The following ZNF407 variants were observed in gnomAD, a reference collection of about 807,000 sequenced individuals.
The protein encoded by ZNF407 is zinc finger protein 407.
A neutral mutation model predicts 131.2 loss-of-function variants in ZNF407; 17 were observed. The observed-to-expected ratio is 0.13, with a 90% confidence interval of 0.09 to 0.19. ZNF407 has a LOEUF of 0.19. Ranked by LOEUF, ZNF407 falls within the 10% of genes least tolerant of loss-of-function variation. The pLI is 1.00. For synonymous variants in ZNF407, 1,156 were observed against 1,062.0 expected, an observed-to-expected ratio of 1.09 and a Z score of -1.72; for missense variants, 2,681 against 2,830.6, an observed-to-expected ratio of 0.95 and a Z score of 1.20.
chr18:74,928,962 C>G (rs753151422), intron 8 of ZNF407, among the ~76,000 whole-genome samples: 15 of 152,050 alleles, frequency 9.9e-5, no homozygotes, highest in Non-Finnish European at 2.2e-4. Context: ...AGTATCCTTT[C>G]TACTGTATAG....
At chr18:74,887,383 TAAAGAC>T (rs1308552140) in intron 6 of ZNF407, among the ~76,000 whole-genome samples, 9 of 152,128 alleles carry the variant, frequency 5.9e-5, no homozygotes, top group Non-Finnish European at 1.2e-4. Flanking sequence ...GGATTTATCT[TAAAGAC>T]AAAAGGCTAA....
rs558346618 is a variant in ZNF407, at chr18:74,650,723, C to T, written c.4802+9601C>T. Among the ~76,000 whole-genome samples, 23 of 152,064 alleles carry T rather than the reference C, an allele frequency of 1.5e-4. No individual in the cohort carries two copies. The East Asian group carries it at 4.1e-3, about 27-fold the overall frequency. ...AAGTATTCATGGAAGGGGTGGGCCACGGGAATATTGTTTGTTACCCCAAAG... is the reference window on the plus strand; with the variant it reads ...AAGTATTCATGGAAGGGGTGGGCCATGGGAATATTGTTTGTTACCCCAAAG... On this transcript the variant is annotated intron_variant, in intron 3 of 8. Transcript: ENST00000299687.
intron 7 of ZNF407, among the ~76,000 whole-genome samples, chr18:74,904,973 C>T (rs1437241305): frequency 1.3e-5 from 2 of 152,194 alleles, no homozygotes; most frequent in South Asian, 2.1e-4. Context: ...GAAGGGCAGA[C>T]GCAGCAGTCC....
At chr18:74,711,936 C>G (rs2144848260) in intron 3 of ZNF407, among the ~76,000 whole-genome samples, 1 of 152,266 alleles carries the variant, frequency 6.6e-6, no homozygotes, top group East Asian at 1.9e-4. Flanking sequence ...TCTTGAACTC[C>G]CAAACTCAAG....
At chr18:74,761,179 T>C (rs1969086796) in intron 3 of ZNF407, among the ~76,000 whole-genome samples, 2 of 148,556 alleles carry the variant, frequency 1.3e-5, no homozygotes, top group East Asian at 1.9e-4. Flanking sequence ...TATTGATCTT[T>C]TGGATTTTTG....
chr18:74,688,972 G>A (rs1032931536), intron 3 of ZNF407, among the ~76,000 whole-genome samples: 1 of 152,080 alleles, frequency 6.6e-6, no homozygotes, highest in Non-Finnish European at 1.5e-5. Context: ...GGAATTACAG[G>A]CACCCGCCAC....
intron 8 of ZNF407, among the ~76,000 whole-genome samples, chr18:75,043,385 C>A (rs1483930246): frequency 1.3e-5 from 2 of 152,198 alleles, no homozygotes. Context: ...AGGTCATGTG[C>A]ATGCCCAGCT....
chr18:74,902,049 G>T (rs1971532859), intron 7 of ZNF407, among the ~76,000 whole-genome samples: 1 of 152,108 alleles, frequency 6.6e-6, no homozygotes, highest in Non-Finnish European at 1.5e-5. Flanking sequence ...AGCCATAGAA[G>T]GAGGAAGCTT....
At chr18:74,871,176 G>A (rs951632936) in intron 4 of ZNF407, among the ~76,000 whole-genome samples, 7 of 152,178 alleles carry the variant, frequency 4.6e-5, no homozygotes, top group Non-Finnish European at 8.8e-5. Context: ...TCGTCCCTGT[G>A]TGCCTTCTGT....
rs138149762 is a variant in ZNF407, at chr18:74,922,756, G to A, written c.5428+2064G>A. ...GTCTCTATGTAAAGACAGGCGTCTC[G>A]GAGCTTCAGATTCCTTATCGAAGAG... On this transcript the variant is annotated intron_variant, in intron 8 of 8. Transcript: ENST00000299687. Among the ~76,000 whole-genome samples the A allele has an allele frequency of 3.9e-5, 6 of 152,232 alleles. No homozygotes were observed. In the East Asian group the frequency reaches 7.7e-4, roughly 20 times the overall value.
At chr18:74,802,752 G>A (rs564959872) in intron 4 of ZNF407, among the ~76,000 whole-genome samples, 100 of 152,206 alleles carry the variant, frequency 6.6e-4, no homozygotes, top group Middle Eastern at 6.8e-3. Context: ...TTTTTATGTC[G>A]CTTAGTTTTA....
At chr18:74,798,146 A>G (rs1420239581) in intron 4 of ZNF407, among the ~76,000 whole-genome samples, 1 of 152,096 alleles carries the variant, frequency 6.6e-6, no homozygotes, top group Non-Finnish European at 1.5e-5. Context: ...CTGGCCAGAG[A>G]CATTGCATGG....
chr18:74,797,625 C>G (rs571646340), intron 4 of ZNF407, among the ~76,000 whole-genome samples: 2 of 152,160 alleles, frequency 1.3e-5, no homozygotes, highest in African/African-American at 2.4e-5. Context: ...GTTTTCTTTT[C>G]AGATTGAGAG....
intron 4 of ZNF407, among the ~76,000 whole-genome samples, chr18:74,786,420 G>A (rs1018243400): frequency 6.6e-6 from 1 of 150,992 alleles, no homozygotes; most frequent in African/African-American, 2.4e-5. Context: ...CTACTTATTA[G>A]TCTTTCCCTT....
At chr18:74,877,109 C>A in intron 4 of ZNF407, 88 bp from the exon 5 acceptor site, 1 of 1,165,954 alleles carries the variant, frequency 8.6e-7, no homozygotes, top group Non-Finnish European at 1.3e-6. Context: ...GTGTGCACCG[C>A]ACCTCAGGGT....
chr18:74,931,174 G>A (rs1046061836), intron 8 of ZNF407, among the ~76,000 whole-genome samples: 9 of 151,992 alleles, frequency 5.9e-5, no homozygotes, highest in African/African-American at 1.9e-4. Context: ...ATGTTACTCC[G>A]AAAGAACAAA....
At chr18:74,923,960 T>A (rs1267832435) in intron 8 of ZNF407, among the ~76,000 whole-genome samples, 1 of 152,108 alleles carries the variant, frequency 6.6e-6, no homozygotes, top group African/African-American at 2.4e-5. Context: ...TACCCTAATG[T>A]CCCTCAAGCA....
intron 3 of ZNF407, among the ~76,000 whole-genome samples, chr18:74,726,191 T>G (rs902221483): frequency 2.6e-5 from 4 of 152,192 alleles, no homozygotes; most frequent in African/African-American, 4.8e-5. Context: ...CACTGAAGAT[T>G]CGTTGCATCT....
chr18:74,715,362 G>T (rs1020310187), intron 3 of ZNF407, among the ~76,000 whole-genome samples: 1 of 152,208 alleles, frequency 6.6e-6, no homozygotes, highest in African/African-American at 2.4e-5. Flanking sequence ...TCTACGCTGG[G>T]TATTGTGCCA....
Sources: gnomAD v4.1 joint callset for allele counts (sites outside exome capture counted in the v4.1 genomes callset) on GRCh38, gnomAD v4.1.1 for gene constraint, MANE v1.5 for transcripts, NCBI Gene and HGNC (gene_info 2026-07-23, HGNC 2026-07-21) for gene names.